The following CFI variants were observed in gnomAD, a reference collection of about 807,000 sequenced individuals.
The protein encoded by CFI is complement factor I, also known as C3B/C4B inactivator.
In CFI, 66 loss-of-function variants were observed where a neutral mutation model predicts 78.8. The ratio of observed to expected loss-of-function variants is 0.84; its 90% CI spans 0.69 to 1.03. The LOEUF (loss-of-function observed/expected upper bound fraction) is 1.03, where lower values mean the gene tolerates loss of function less well. Among genes scored for constraint, CFI ranks in the 50% least tolerant of loss-of-function variants. CFI has a pLI of 0.00. For synonymous variants in CFI, 250 were observed against 232.6 expected (o/e 1.07, Z -0.68); for missense variants, 706 against 704.5 (o/e 1.00, Z -0.02).
At chr4:109,800,337 T>G (rs1049284027) in intron 1 of CFI, among the ~76,000 whole-genome samples, 2 of 136,094 alleles carry the variant, frequency 1.5e-5, no homozygotes, top group Non-Finnish European at 3.1e-5. Flanking sequence ...TTTTTTTTTT[T>G]TTTTTTTTTT....
chr4:109,755,318 A>G (rs891966094), intron 7 of CFI, among the ~76,000 whole-genome samples: 5 of 152,194 alleles, frequency 3.3e-5, no homozygotes, highest in African/African-American at 1.2e-4. Flanking sequence ...GGAAGTAAGG[A>G]CTGGTATATA....
At chr4:109,799,875 T>C (rs915032513) in intron 1 of CFI, among the ~76,000 whole-genome samples, 1 of 152,184 alleles carries the variant, frequency 6.6e-6, no homozygotes, top group East Asian at 1.9e-4. Context: ...AGGGAGGGTA[T>C]GGGGCAAGGA....
chr4:109,746,985 A>C (rs910528439), intron 10 of CFI, among the ~76,000 whole-genome samples: 1 of 152,136 alleles, frequency 6.6e-6, no homozygotes, highest in African/African-American at 2.4e-5. Flanking sequence ...CATTGTATTT[A>C]TTTGTTCACA....
Position 109,798,085 on chromosome 4 carries a change from G to A in CFI, c.57+3830C>T, listed in dbSNP as rs925339558. Among the ~76,000 whole-genome samples the A allele has an allele frequency of 2.0e-5, 3 of 152,284 alleles. No homozygotes were observed. The East Asian group carries it at 5.8e-4, about 29-fold the overall frequency. On this transcript the variant is annotated intron_variant, in intron 1 of 12. Coordinates refer to ENST00000394634, the MANE Select transcript of CFI (RefSeq NM_000204.5). ...TCTAAGTGAAACAAGGCAGGGACAG[G>A]AGGATAAATACCACATAATACAACT... is the stretch of plus-strand genomic sequence containing the variant.
At chr4:109,740,519 G>A (rs146353496), downstream of CFI, among the ~76,000 whole-genome samples, 188 of 152,234 alleles carry the variant, frequency 1.2e-3, no homozygotes, top group African/African-American at 4.3e-3. Flanking sequence ...CATTTTATAG[G>A]TGGAAAAGGA....
intron 1 of CFI, among the ~76,000 whole-genome samples, chr4:109,797,863 A>T (rs1024187441): frequency 1.3e-5 from 2 of 152,230 alleles, no homozygotes; most frequent in Admixed American, 6.5e-5. Flanking sequence ...ATCACACACC[A>T]GTTAGGATGG....
chr4:109,759,459 G>A (rs918245109), intron 6 of CFI, among the ~76,000 whole-genome samples: 13 of 152,192 alleles, frequency 8.5e-5, no homozygotes, highest in African/African-American at 2.6e-4. Context: ...ATTAAATGAC[G>A]TTAGTGAATT....
the CFI span, among the ~76,000 whole-genome samples, chr4:109,735,545 A>C: frequency 6.6e-6 from 1 of 152,232 alleles, no homozygotes; most frequent in Non-Finnish European, 1.5e-5. Context: ...AGTATTTTCC[A>C]ATGTCTCACT....
intron 1 of CFI, among the ~76,000 whole-genome samples, chr4:109,796,559 T>G (rs1369071867): frequency 2.6e-5 from 4 of 152,156 alleles, no homozygotes; most frequent in Non-Finnish European, 5.9e-5. Context: ...CCCAGTGCTT[T>G]GAGAGGCCAT....
chr4:109,765,414 C>A (rs1427410809), intron 2 of CFI, among the ~76,000 whole-genome samples: 1 of 152,198 alleles, frequency 6.6e-6, no homozygotes, highest in East Asian at 1.9e-4. Context: ...GTAACAAGCA[C>A]TTTCTGCATG....
At chr4:109,786,463 AAAC>A (rs1285370102) in intron 1 of CFI, among the ~76,000 whole-genome samples, 2 of 152,158 alleles carry the variant, frequency 1.3e-5, no homozygotes, top group Admixed American at 1.3e-4. Flanking sequence ...ACAAGAAATA[AAAC>A]AACCTCCTTT....
intron 1 of CFI, among the ~76,000 whole-genome samples, chr4:109,771,299 A>G (rs1260287736): frequency 1.3e-5 from 2 of 152,006 alleles, no homozygotes; most frequent in African/African-American, 2.4e-5. Context: ...GCTCATGCCT[A>G]TCATCCCAGC....
intron 7 of CFI, among the ~76,000 whole-genome samples, chr4:109,756,885 AAAGGAAAGAAAGAAAGAAAG>A (rs1726236332): frequency 1.6e-5 from 2 of 125,760 alleles, no homozygotes; most frequent in Non-Finnish European, 3.3e-5. Context: ...AGAAAGAAAG[AAAGGAAAGAAAGAAAGAAAG>A]AAAGAAAGAA....
Position 109,766,710 on chromosome 4 carries a change from T to G in CFI, c.172A>C (p.Thr58Pro). ...CQPWQRCIEG[T>P]CVCKLPYQCP... ...TGATACGGTAGTTTACAAACACAGG[T>G]GCCCTCAATGCATCTCTGCCATGGC... Residue 58 changes from threonine to proline, a missense_variant, in exon 2 of 13, where the codon ACC becomes CCC. Coordinates refer to ENST00000394634, the MANE Select transcript of CFI (RefSeq NM_000204.5). The G allele has an allele frequency of 6.2e-7, 1 of 1,614,202 alleles. No homozygotes were observed. The highest frequency in any genetic ancestry group is 8.5e-7 in the Non-Finnish European group (1 of 1,180,022).
At chr4:109,780,550 G>T (rs1462102754) in intron 1 of CFI, among the ~76,000 whole-genome samples, 4 of 152,180 alleles carry the variant, frequency 2.6e-5, no homozygotes, top group Admixed American at 2.0e-4. Context: ...TTGTTGGTGG[G>T]ACTATAAAGT....
chr4:109,784,197 A>G (rs1730464808), intron 1 of CFI, among the ~76,000 whole-genome samples: 2 of 152,196 alleles, frequency 1.3e-5, no homozygotes, highest in East Asian at 3.9e-4. Context: ...ATAAAAAAAT[A>G]AATAAAAAGA....
chr4:109,765,185 G>A (rs981056377), intron 2 of CFI, among the ~76,000 whole-genome samples: 12 of 152,288 alleles, frequency 7.9e-5, no homozygotes, highest in African/African-American at 2.6e-4. Flanking sequence ...TTTCCAACAG[G>A]GATGATAGAT....
intron 11 of CFI, among the ~76,000 whole-genome samples, chr4:109,745,787 A>G (rs188385103): frequency 1.3e-5 from 2 of 152,292 alleles, no homozygotes; most frequent in East Asian, 1.9e-4. Context: ...CATCTCCCCA[A>G]CAAATCCAAA....
chr4:109,752,914 T>TA (rs1237842436), intron 7 of CFI, among the ~76,000 whole-genome samples: 1 of 119,798 alleles, frequency 8.3e-6, no homozygotes, highest in Admixed American at 1.1e-4. Flanking sequence ...AAATAAATAT[T>TA]TATAATATAT....
Sources: gnomAD v4.1 joint callset for allele counts (sites outside exome capture counted in the v4.1 genomes callset) on GRCh38, gnomAD v4.1.1 for gene constraint, MANE v1.5 for transcripts, NCBI Gene and HGNC (gene_info 2026-07-23, HGNC 2026-07-21) for gene names.